The following RPS6KC1 variants were observed in gnomAD, a reference collection of about 807,000 sequenced individuals.
The protein encoded by RPS6KC1 is ribosomal protein S6 kinase C1, also known as inactive ribosomal protein S6 kinase delta-1.
In RPS6KC1, 54 loss-of-function variants were observed where a neutral mutation model predicts 103.8. That is an observed-to-expected ratio of 0.52 (90% CI 0.42 to 0.65). The LOEUF (loss-of-function observed/expected upper bound fraction) is 0.65, where lower values mean the gene tolerates loss of function less well. Among genes scored for constraint, RPS6KC1 ranks in the 30% least tolerant of loss-of-function variants. The pLI is 0.00. For synonymous variants in RPS6KC1, 439 were observed against 438.7 expected (o/e 1.00, Z -0.01); for missense variants, 1,151 against 1,253.8 (o/e 0.92, Z 1.24).
At chr1:213,392,749 C>G in the RPS6KC1 span, among the ~76,000 whole-genome samples, 200 of 152,332 alleles carry the variant, frequency 1.3e-3, no homozygotes, top group African/African-American at 4.5e-3. Context: ...ACTGCTCCCA[C>G]AAACTGACAT....
At chr1:213,236,155 G>T (rs1232039340) in intron 10 of RPS6KC1, among the ~76,000 whole-genome samples, 1 of 152,086 alleles carries the variant, frequency 6.6e-6, no homozygotes, top group Admixed American at 6.5e-5. Context: ...ATCTGAGGTG[G>T]AACAGTTTCA....
At chr1:213,387,493 A>G in the RPS6KC1 span, among the ~76,000 whole-genome samples, 1 of 152,208 alleles carries the variant, frequency 6.6e-6, no homozygotes, top group African/African-American at 2.4e-5. Context: ...ATTATTCATA[A>G]TGAGCCTATT....
the RPS6KC1 span, among the ~76,000 whole-genome samples, chr1:213,628,137 G>C: frequency 6.6e-6 from 1 of 152,038 alleles, no homozygotes; most frequent in African/African-American, 2.4e-5. Context: ...AGTTCTTCCT[G>C]GTTTAGTCTT....
At chr1:213,343,626 T>C in the RPS6KC1 span, among the ~76,000 whole-genome samples, 1 of 149,780 alleles carries the variant, frequency 6.7e-6, no homozygotes, top group East Asian at 2.0e-4. Context: ...AATGACACCA[T>C]GGACTCTGGG....
the RPS6KC1 span, among the ~76,000 whole-genome samples, chr1:213,832,142 G>A: frequency 6.0e-3 from 915 of 152,324 alleles, 9 homozygotes; most frequent in African/African-American, 0.021. Flanking sequence ...AGATACTGGA[G>A]TTTGAGTAGC....
At chr1:213,286,703 A>G in the RPS6KC1 span, among the ~76,000 whole-genome samples, 1 of 152,252 alleles carries the variant, frequency 6.6e-6, no homozygotes, top group Non-Finnish European at 1.5e-5. Flanking sequence ...AAGTGATAGA[A>G]TATTCCCATT....
chr1:213,152,178 G>T (rs2089170265), intron 6 of RPS6KC1, among the ~76,000 whole-genome samples: 2 of 143,516 alleles, frequency 1.4e-5, no homozygotes, highest in Admixed American at 6.8e-5. Context: ...GGCCGGGCGG[G>T]GGGCTGACCC....
chr1:213,831,176 A>C, the RPS6KC1 span, among the ~76,000 whole-genome samples: 3 of 152,160 alleles, frequency 2.0e-5, no homozygotes, highest in African/African-American at 4.8e-5. Flanking sequence ...ACCCTGCTTT[A>C]AAAAAATGTT....
At chr1:213,827,425 C>T in the RPS6KC1 span, among the ~76,000 whole-genome samples, 5 of 152,176 alleles carry the variant, frequency 3.3e-5, no homozygotes, top group African/African-American at 7.2e-5. Flanking sequence ...ACTCCACCCT[C>T]GCCATAGAGG....
chr1:213,623,906 C>T, the RPS6KC1 span, among the ~76,000 whole-genome samples: 5 of 152,204 alleles, frequency 3.3e-5, no homozygotes, highest in Admixed American at 1.3e-4. Flanking sequence ...CGAGATGTCG[C>T]ACTGGGCAGT....
chr1:213,423,279 A>G, the RPS6KC1 span, among the ~76,000 whole-genome samples: 1 of 152,292 alleles, frequency 6.6e-6, no homozygotes, highest in Admixed American at 6.5e-5. Flanking sequence ...ATGAGAGAGA[A>G]ATGCGCCTCA....
chr1:213,371,092 AAAC>A, the RPS6KC1 span, among the ~76,000 whole-genome samples: 54 of 152,238 alleles, frequency 3.5e-4, no homozygotes, highest in African/African-American at 1.2e-3. Context: ...TATACCCATT[AAAC>A]AACAACTCCC....
At chr1:213,543,084 G>A in the RPS6KC1 span, among the ~76,000 whole-genome samples, 1 of 152,192 alleles carries the variant, frequency 6.6e-6, no homozygotes, top group African/African-American at 2.4e-5. Context: ...AGTGAGAATG[G>A]CCCATTCAGG....
the RPS6KC1 span, among the ~76,000 whole-genome samples, chr1:213,491,601 A>C: frequency 6.6e-6 from 1 of 152,220 alleles, no homozygotes; most frequent in South Asian, 2.1e-4. Flanking sequence ...GTCAGGAGCA[A>C]GGCGTTGCCT....
At chr1:213,749,926 G>C in the RPS6KC1 span, among the ~76,000 whole-genome samples, 1 of 152,178 alleles carries the variant, frequency 6.6e-6, no homozygotes, top group Non-Finnish European at 1.5e-5. Context: ...ACATCCCCAC[G>C]GTCACTGTTT....
the RPS6KC1 span, among the ~76,000 whole-genome samples, chr1:213,793,338 T>C: frequency 6.6e-6 from 1 of 152,212 alleles, no homozygotes. Flanking sequence ...TGACATTTCT[T>C]TCTCCTTTTC....
chr1:213,506,012 TG>T, the RPS6KC1 span, among the ~76,000 whole-genome samples: 1 of 152,150 alleles, frequency 6.6e-6, no homozygotes, highest in Non-Finnish European at 1.5e-5. Context: ...TTGTTGTCCT[TG>T]GATCAGGTGC....
the RPS6KC1 span, among the ~76,000 whole-genome samples, chr1:213,809,534 T>C: frequency 6.6e-6 from 1 of 152,218 alleles, no homozygotes; most frequent in South Asian, 2.1e-4. Context: ...CAATTATTTA[T>C]GAGGCATAAT....
At position 213,261,659 on chromosome 1, in the gene RPS6KC1, G is replaced by A. The variant is rs371345356; in HGVS notation, c.2994+19G>A. On this transcript the variant is annotated intron_variant, in intron 13 of 14. Transcript: ENST00000366960. ...TGGCAAGGTAAGCAGTGGCCTGGAC[G>A]TTTAATAAATTTACTCAGATGCTAC... 1.4e-5 allele frequency: 23 copies of A among 1,600,812 alleles called. No individual in the cohort carries two copies. The highest frequency in any genetic ancestry group is 6.7e-5 in the East Asian group (3 of 44,804).
Sources: gnomAD v4.1 joint callset for allele counts (sites outside exome capture counted in the v4.1 genomes callset) on GRCh38, gnomAD v4.1.1 for gene constraint, MANE v1.5 for transcripts, NCBI Gene and HGNC (gene_info 2026-07-23, HGNC 2026-07-21) for gene names.